The following TBC1D28 variants were observed in gnomAD, a reference collection of about 807,000 sequenced individuals.
TBC1D28 encodes TBC1 domain family, member 28.
Under a neutral mutation model 29.2 loss-of-function variants are expected in TBC1D28, and 20 were observed. That is an observed-to-expected ratio of 0.68 (90% CI 0.48 to 0.99). The LOEUF (loss-of-function observed/expected upper bound fraction) is 0.99, where lower values mean the gene tolerates loss of function less well. Among genes scored for constraint, TBC1D28 ranks in the 50% least tolerant of loss-of-function variants. The pLI is 0.00. For synonymous variants in TBC1D28, 65 were observed against 90.9 expected, an observed-to-expected ratio of 0.71 and a Z score of 1.62; for missense variants, 205 against 243.7, an observed-to-expected ratio of 0.84 and a Z score of 1.06.
intron 3 of TBC1D28, 31 bp from the exon 5 acceptor site, chr17:18,641,135 G>T (rs1183808283): frequency 1.3e-6 from 1 of 767,946 alleles, no homozygotes; most frequent in African/African-American, 2.1e-5. Flanking sequence ...GGATAGTGGG[G>T]GTAAGGTGAG....
downstream of TBC1D28, among the ~76,000 whole-genome samples, chr17:18,634,848 C>G (rs1258864951): frequency 6.5e-5 from 9 of 137,968 alleles, no homozygotes; most frequent in Non-Finnish European, 9.9e-5. Flanking sequence ...GCCTCCTCAG[C>G]CCCTCAGCCG....
intron 6 of TBC1D28, 63 bp downstream of exon 7, chr17:18,638,558 A>T (rs578248146): frequency 1.5e-6 from 2 of 1,305,436 alleles, no homozygotes; most frequent in Non-Finnish European, 2.1e-6. Flanking sequence ...GGCCAAAACC[A>T]TGGGCGCCTG....
chr17:18,640,584 C>T (rs1306095797), intron 4 of TBC1D28, among the ~76,000 whole-genome samples: 1 of 151,486 alleles, frequency 6.6e-6, no homozygotes, highest in Non-Finnish European at 1.5e-5. Flanking sequence ...TCCCTATGCC[C>T]CTTCCTCATG....
At chr17:18,640,925 C>G in intron 4 of TBC1D28, 97 bp downstream of exon 5, 1 of 400,824 alleles carries the variant, frequency 2.5e-6, no homozygotes, top group South Asian at 2.2e-5. Context: ...TTGGCCCAGC[C>G]AGGGAGACAT....
intron 4 of TBC1D28, among the ~76,000 whole-genome samples, chr17:18,640,165 G>C (rs1164129922): frequency 6.6e-6 from 1 of 152,188 alleles, no homozygotes; most frequent in Non-Finnish European, 1.5e-5. Context: ...CTGAGCCAGC[G>C]GGAAGCAGAA....
downstream of TBC1D28, among the ~76,000 whole-genome samples, chr17:18,634,776 G>A (rs541823054): frequency 2.9e-3 from 440 of 151,140 alleles, no homozygotes; most frequent in African/African-American, 0.01. Context: ...GGCAGGGACC[G>A]GCCAGGCTGC....
chr17:18,642,908 A>C (rs2031833699), upstream of TBC1D28: 1 of 152,292 alleles, frequency 6.6e-6, no homozygotes, highest in Non-Finnish European at 1.5e-5. Context: ...GGCACCCATC[A>C]TAATGGGCCA....
exon 1 of TBC1D28, chr17:18,642,097 G>T (rs2031797055): frequency 6.5e-6 from 1 of 154,334 alleles, no homozygotes; most frequent in African/African-American, 2.4e-5. Flanking sequence ...CAAACGGAAG[G>T]CAAGGCCTCT....
exon 3 of TBC1D28, chr17:18,641,319 C>T (rs749702542): frequency 6.2e-7 from 1 of 1,613,892 alleles, no homozygotes; most frequent in Non-Finnish European, 8.5e-7. Context: ...TGCCCCTGGG[C>T]AGGCAGGTTA....
At chr17:18,638,094 C>T in intron 7 of TBC1D28, 121 bp from the exon 9 acceptor site, 1 of 1,533,258 alleles carries the variant, frequency 6.5e-7, no homozygotes, top group Non-Finnish European at 9.0e-7. Flanking sequence ...AGGTTTCCTT[C>T]TGCAGAAAGC....
exon 3 of TBC1D28, chr17:18,641,285 T>C (rs1312828204): frequency 6.2e-7 from 1 of 1,613,218 alleles, no homozygotes; most frequent in Non-Finnish European, 8.5e-7. Flanking sequence ...TACCTGCTCA[T>C]ACTTAGTAAT....
Position 18,638,595 on chromosome 17 carries a change from C to T in TBC1D28, c.279+26G>A, listed in dbSNP as rs771799127. 2.6e-5 allele frequency: 42 copies of T among 1,614,022 alleles called. No individual in the cohort carries two copies. In the South Asian group the frequency reaches 2.7e-4, roughly 11 times the overall value. ...CTCCTGGCTCTGCAGAGAGCAGTCA[C>T]GGGGGCCGCTTCCTCCCCATGTTAC... On this transcript the variant is annotated intron_variant, in intron 6 of 8. Coordinates refer to ENST00000345096, the Ensembl canonical transcript of TBC1D28.
intron 8 of TBC1D28, 137 bp downstream of exon 9, chr17:18,637,717 ATGGTGCCGGC>A (rs2031565672): frequency 7.5e-7 from 1 of 1,338,652 alleles, no homozygotes; most frequent in African/African-American, 1.5e-5. Context: ...TGCTCAGTCC[ATGGTGCCGGC>A]TGCTCCCTGG....
exon 9 of TBC1D28, chr17:18,636,199 G>A: frequency 2.4e-6 from 3 of 1,246,036 alleles, no homozygotes; most frequent in Non-Finnish European, 3.0e-6. Context: ...GCTCCCCCAG[G>A]ATGCAAACTC....
chr17:18,638,590 A>G (rs1567876781), intron 6 of TBC1D28, 31 bp downstream of exon 7: 8 of 1,614,020 alleles, frequency 5.0e-6, no homozygotes, highest in Non-Finnish European at 6.8e-6. Context: ...TGCAGAGAGC[A>G]GTCACGGGGG....
chr17:18,637,146 A>C (rs1453202387), intron 8 of TBC1D28, among the ~76,000 whole-genome samples: 1 of 140,054 alleles, frequency 7.1e-6, no homozygotes, highest in African/African-American at 2.8e-5. Flanking sequence ...TACTCATCTA[A>C]GATCCACCCA....
upstream of TBC1D28, among the ~76,000 whole-genome samples, chr17:18,644,082 C>T (rs1458542876): frequency 6.6e-6 from 1 of 151,990 alleles, no homozygotes; most frequent in African/African-American, 2.4e-5. Flanking sequence ...CCAGTCACCT[C>T]CTCTCTGACC....
exon 9 of TBC1D28, chr17:18,635,957 C>T (rs888795488): frequency 1.0e-6 from 1 of 992,332 alleles, no homozygotes. Flanking sequence ...AAGAACTGGC[C>T]ACGGTCCTGC....
At chr17:18,641,807 T>C (rs911339179) in intron 1 of TBC1D28, 21 bp downstream of exon 2, 1 of 191,266 alleles carries the variant, frequency 5.2e-6, no homozygotes, top group African/African-American at 2.4e-5. Flanking sequence ...ACTGCTCCGT[T>C]CTACCCCAAT....
Sources: allele counts gnomAD v4.1 joint callset (sites outside exome capture counted in the v4.1 genomes callset), GRCh38; gene constraint gnomAD v4.1.1; transcripts MANE v1.5; gene names NCBI Gene and HGNC (gene_info 2026-07-23, HGNC 2026-07-21).